Variants in ETFA observed in about 807,000 individuals in gnomAD.
ETFA encodes electron transfer flavoprotein subunit alpha.
Under a neutral mutation model 46.2 loss-of-function variants are expected in ETFA, and 22 were observed. That is an observed-to-expected ratio of 0.48 (90% CI 0.34 to 0.68). The LOEUF (loss-of-function observed/expected upper bound fraction) is 0.68, where lower values mean the gene tolerates loss of function less well. Among genes scored for constraint, ETFA ranks in the 30% least tolerant of loss-of-function variants. The probability of loss-of-function intolerance (pLI) is 0.01; values close to 1 mark genes in which losing one functional copy is unlikely to be tolerated. For synonymous variants in ETFA, 131 were observed against 139.9 expected (o/e 0.94, Z 0.45); for missense variants, 345 against 401.1 (o/e 0.86, Z 1.19).
chr15:76,232,068 C>A (rs760022472), intron 9 of ETFA, among the ~76,000 whole-genome samples: 1 of 152,036 alleles, frequency 6.6e-6, no homozygotes, highest in Non-Finnish European at 1.5e-5. Flanking sequence ...ATGGGCTGAA[C>A]CTTTGTGTTT....
intron 7 of ETFA, 81 bp from the exon 8 acceptor site, chr15:76,283,906 G>A (rs1410173818): frequency 6.1e-6 from 6 of 984,728 alleles, no homozygotes; most frequent in Non-Finnish European, 9.6e-6. Context: ...ATATACTGGA[G>A]TAAATTTTCA....
chr15:76,257,404 G>T (rs1158494985), intron 9 of ETFA, among the ~76,000 whole-genome samples: 1 of 152,020 alleles, frequency 6.6e-6, no homozygotes, highest in Non-Finnish European at 1.5e-5. Context: ...GCAGCCAAAA[G>T]ACACATGAAA....
At chr15:76,217,640 T>C (rs566113936) in intron 11 of ETFA, 1 of 455,774 alleles carries the variant, frequency 2.2e-6, no homozygotes, top group South Asian at 1.5e-5. Flanking sequence ...TAGAGCTGCT[T>C]TGTGACTGCT....
intron 5 of ETFA, 110 bp downstream of exon 5, chr15:76,287,736 G>C (rs1252218894): frequency 1.2e-6 from 1 of 829,908 alleles, no homozygotes; most frequent in South Asian, 1.5e-5. Flanking sequence ...CTTTAAGATG[G>C]TCCACTTAAA....
intron 9 of ETFA, among the ~76,000 whole-genome samples, chr15:76,265,308 G>A (rs185283170): frequency 1.1e-4 from 17 of 152,290 alleles, no homozygotes; most frequent in Admixed American, 4.6e-4. Context: ...CCTCGACTCC[G>A]TGGTCTGCCT....
At position 76,264,161 on chromosome 15, in the gene ETFA, C is replaced by T. The variant is rs377576559; in HGVS notation, c.816+10251G>A. On this transcript the variant is annotated intron_variant, in intron 9 of 11. Transcript: ENST00000557943. ...AAGCAAGCCATTATTCAATATGAACCGAACTCTCCTTTTGTGAAAACTTTG... is the reference window on the plus strand; with the variant it reads ...AAGCAAGCCATTATTCAATATGAACTGAACTCTCCTTTTGTGAAAACTTTG... 1.1e-3 allele frequency among the ~76,000 whole-genome samples: 174 copies of T among 152,260 alleles called. 1 individual carries two copies. Among genetic ancestry groups the T allele is most frequent in the African/African-American group, 4.1e-3 (170 of 41,540 alleles).
chr15:76,238,476 C>T (rs2141470856), intron 9 of ETFA, among the ~76,000 whole-genome samples: 1 of 152,220 alleles, frequency 6.6e-6, no homozygotes. Context: ...CTCAAAAAAA[C>T]AATACCCCTA....
intron 2 of ETFA, among the ~76,000 whole-genome samples, chr15:76,295,173 A>G (rs1007148351): frequency 6.6e-6 from 1 of 152,248 alleles, no homozygotes; most frequent in Non-Finnish European, 1.5e-5. Flanking sequence ...TGGAAAGAAT[A>G]GTACTTAACA....
intron 9 of ETFA, among the ~76,000 whole-genome samples, chr15:76,270,140 C>A (rs543451406): frequency 6.6e-6 from 1 of 152,158 alleles, no homozygotes; most frequent in Non-Finnish European, 1.5e-5. Flanking sequence ...TAAAATTGTG[C>A]AACCACCTTG....
intron 10 of ETFA, chr15:76,229,270 TAAGAC>T (rs2039039260): frequency 6.6e-6 from 1 of 152,358 alleles, no homozygotes; most frequent in Admixed American, 6.5e-5. Flanking sequence ...GACAACAGGA[TAAGAC>T]AGTGACAACA....
intron 9 of ETFA, among the ~76,000 whole-genome samples, chr15:76,244,722 C>A (rs755228179): frequency 2.6e-5 from 4 of 151,538 alleles, no homozygotes; most frequent in African/African-American, 9.7e-5. Flanking sequence ...AGTTTTATTT[C>A]TTTCAAGTTA....
chr15:76,230,595 T>C (rs1446711484), intron 10 of ETFA: 2 of 115,842 alleles, frequency 1.7e-5, no homozygotes, highest in African/African-American at 3.3e-5. Context: ...CTACAGGCGC[T>C]CGCCATCATG....
intron 8 of ETFA, 28 bp downstream of exon 8, chr15:76,283,729 A>AT: frequency 7.2e-7 from 1 of 1,398,338 alleles, no homozygotes; most frequent in Non-Finnish European, 1.0e-6. Flanking sequence ...AAAAGGGAAT[A>AT]TCTTTCTACT....
At chr15:76,295,819 T>C (rs1367258157) in intron 1 of ETFA, 82 bp from the exon 2 acceptor site, 3 of 1,087,426 alleles carry the variant, frequency 2.8e-6, no homozygotes, top group East Asian at 5.1e-5. Flanking sequence ...TTGTTAAGCA[T>C]GTATGCTTTA....
Position 76,311,411 on chromosome 15 carries a change from T to C in ETFA, c.-23A>G, listed in dbSNP as rs376297541. 5.2e-5 allele frequency: 81 copies of C among 1,554,284 alleles called. No individual in the cohort carries two copies. Among genetic ancestry groups the C allele is most frequent in the Non-Finnish European group, 6.8e-5 (78 of 1,150,664 alleles). The stretch of plus-strand genomic sequence containing the variant: ...CATGGTCTCCGCTTCCGCCGCAACC[T>C]CGGCCTTACAGCAGCCCCGTGCCCG... On this transcript the variant is annotated 5_prime_UTR_variant, in exon 1 of 12. Coordinates refer to ENST00000557943, the MANE Select transcript of ETFA (RefSeq NM_000126.4).
At chr15:76,289,130 T>C (rs2039732841) in intron 4 of ETFA, among the ~76,000 whole-genome samples, 1 of 152,064 alleles carries the variant, frequency 6.6e-6, no homozygotes, top group African/African-American at 2.4e-5. Context: ...AGCGGGGTCT[T>C]GCGTTGTTGT....
At chr15:76,265,720 G>C (rs1004754290) in intron 9 of ETFA, among the ~76,000 whole-genome samples, 1 of 152,120 alleles carries the variant, frequency 6.6e-6, no homozygotes, top group Non-Finnish European at 1.5e-5. Context: ...GAGACTTATT[G>C]CAACAATGGG....
chr15:76,242,126 C>T (rs1361144262), intron 9 of ETFA, among the ~76,000 whole-genome samples: 3 of 152,160 alleles, frequency 2.0e-5, no homozygotes, highest in East Asian at 1.9e-4. Context: ...TGAGCCACTT[C>T]GCCTGGCCAA....
intron 9 of ETFA, among the ~76,000 whole-genome samples, chr15:76,233,933 T>C (rs974255214): frequency 2.0e-5 from 3 of 152,196 alleles, no homozygotes; most frequent in African/African-American, 7.2e-5. Flanking sequence ...AATAAAAATG[T>C]TGATTCACTC....
Sources: allele counts gnomAD v4.1 joint callset (sites outside exome capture counted in the v4.1 genomes callset), GRCh38; gene constraint gnomAD v4.1.1; transcripts MANE v1.5; gene names NCBI Gene and HGNC (gene_info 2026-07-23, HGNC 2026-07-21).